Variants in SASH1 observed in about 807,000 individuals in gnomAD.
SASH1 encodes the protein SAM and SH3 domain-containing protein 1.
Under a neutral mutation model 125.2 loss-of-function variants are expected in SASH1, and 44 were observed. The ratio of observed to expected loss-of-function variants is 0.35; its 90% CI spans 0.28 to 0.45. The LOEUF (loss-of-function observed/expected upper bound fraction) is 0.45, where lower values mean the gene tolerates loss of function less well. SASH1 is among the 20% of genes least tolerant of loss of function. The probability of loss-of-function intolerance (pLI) is 1.00; values close to 1 mark genes in which losing one functional copy is unlikely to be tolerated. For synonymous variants in SASH1, 639 were observed against 649.1 expected, an observed-to-expected ratio of 0.98 and a Z score of 0.24; for missense variants, 1,426 against 1,614.5, an observed-to-expected ratio of 0.88 and a Z score of 2.00.
the SASH1 span, among the ~76,000 whole-genome samples, chr6:148,217,170 C>T: frequency 2.1e-3 from 323 of 152,292 alleles, 2 homozygotes; most frequent in Non-Finnish European, 3.7e-3. Flanking sequence ...GTACACACTG[C>T]TTATTATGGA....
intron 1 of SASH1, among the ~76,000 whole-genome samples, chr6:148,296,860 G>A (rs573266402): frequency 6.6e-6 from 1 of 152,310 alleles, no homozygotes; most frequent in South Asian, 2.1e-4. Flanking sequence ...TGCCCTCACT[G>A]TTGCTCCTTG....
intron 1 of SASH1, among the ~76,000 whole-genome samples, chr6:148,323,236 C>G (rs1780700945): frequency 6.6e-6 from 1 of 152,120 alleles, no homozygotes; most frequent in Non-Finnish European, 1.5e-5. Flanking sequence ...TCTCGAACTC[C>G]TGACCTCAAG....
chr6:148,228,126 A>G, the SASH1 span, among the ~76,000 whole-genome samples: 3 of 152,342 alleles, frequency 2.0e-5, no homozygotes, highest in East Asian at 1.9e-4. Context: ...TGCAAAAATT[A>G]TATCATGAAT....
At chr6:148,312,728 A>G (rs1440687847) in intron 1 of SASH1, among the ~76,000 whole-genome samples, 1 of 152,230 alleles carries the variant, frequency 6.6e-6, no homozygotes, top group African/African-American at 2.4e-5. Context: ...GCTAAAGTTT[A>G]TTGACCATTT....
chr6:148,538,689 C>T (rs1458145024), intron 16 of SASH1, among the ~76,000 whole-genome samples: 4 of 152,126 alleles, frequency 2.6e-5, no homozygotes, highest in East Asian at 1.9e-4. Context: ...GGTGGACAGC[C>T]GGAGAGCTGC....
intron 2 of SASH1, among the ~76,000 whole-genome samples, chr6:148,393,969 T>C (rs1783842952): frequency 6.7e-6 from 1 of 149,800 alleles, no homozygotes; most frequent in Admixed American, 6.8e-5. Flanking sequence ...CTCGGCTCAC[T>C]GCAACCTCTG....
intron 8 of SASH1, among the ~76,000 whole-genome samples, chr6:148,496,589 A>G (rs1779319192): frequency 1.3e-5 from 2 of 152,246 alleles, no homozygotes; most frequent in Admixed American, 6.5e-5. Flanking sequence ...ACATGTAACT[A>G]TGTTAAAATT....
At chr6:148,511,240 A>G (rs913568164) in intron 8 of SASH1, among the ~76,000 whole-genome samples, 1 of 151,850 alleles carries the variant, frequency 6.6e-6, no homozygotes, top group African/African-American at 2.4e-5. Context: ...CTCTCCATCA[A>G]TATCATGGAT....
At chr6:148,250,847 TA>T in the SASH1 span, among the ~76,000 whole-genome samples, 1 of 152,172 alleles carries the variant, frequency 6.6e-6, no homozygotes, top group East Asian at 1.9e-4. Context: ...TAAGCATGGA[TA>T]AAAGCTAAAA....
At chr6:148,249,149 A>G in the SASH1 span, among the ~76,000 whole-genome samples, 283 of 152,372 alleles carry the variant, frequency 1.9e-3, 1 homozygote, top group Admixed American at 0.016. Flanking sequence ...AGGCTCACAG[A>G]TTAAAAAAAT....
At chr6:148,206,832 A>ACACACAC in the SASH1 span, among the ~76,000 whole-genome samples, 30 of 84,662 alleles carry the variant, frequency 3.5e-4, no homozygotes, top group Middle Eastern at 5.0e-3. Flanking sequence ...CACACACACA[A>ACACACAC]ATTAACATAA....
At chr6:148,213,963 A>T in the SASH1 span, among the ~76,000 whole-genome samples, 224 of 152,286 alleles carry the variant, frequency 1.5e-3, no homozygotes, top group African/African-American at 5.1e-3. Flanking sequence ...TAGTTATGAT[A>T]ACCTGCTCCC....
intron 1 of SASH1, among the ~76,000 whole-genome samples, chr6:148,318,437 T>C (rs1225987109): frequency 6.6e-6 from 1 of 152,210 alleles, no homozygotes; most frequent in African/African-American, 2.4e-5. Flanking sequence ...CATTTGACAT[T>C]CATTTATTTG....
chr6:148,367,284 T>C (rs762056601), intron 1 of SASH1, among the ~76,000 whole-genome samples: 5 of 152,242 alleles, frequency 3.3e-5, no homozygotes, highest in African/African-American at 7.2e-5. Flanking sequence ...TTTATAATTA[T>C]GCTTCCTTAA....
intron 1 of SASH1, among the ~76,000 whole-genome samples, chr6:148,273,296 CTT>C (rs758727802): frequency 8.2e-5 from 11 of 134,626 alleles, no homozygotes; most frequent in Admixed American, 3.1e-4. Context: ...TTCTTTCTTT[CTT>C]TTTTTTTTTT....
intron 1 of SASH1, among the ~76,000 whole-genome samples, chr6:148,307,562 C>T (rs550965612): frequency 7.9e-5 from 12 of 152,130 alleles, no homozygotes; most frequent in Non-Finnish European, 1.8e-4. Context: ...TGCCCCAAGG[C>T]TCCAAGCATC....
intron 1 of SASH1, among the ~76,000 whole-genome samples, chr6:148,297,714 C>T (rs1279802100): frequency 6.6e-6 from 1 of 152,044 alleles, no homozygotes; most frequent in African/African-American, 2.4e-5. Flanking sequence ...CCTGTAGTCT[C>T]AGCTACTCAG....
chr6:148,441,154 G>T (rs1467686781), intron 4 of SASH1, among the ~76,000 whole-genome samples: 4 of 152,200 alleles, frequency 2.6e-5, no homozygotes, highest in Admixed American at 1.3e-4. Flanking sequence ...CTAAACAGAC[G>T]CTTCCTTTGG....
At chr6:148,399,598 C>T (rs1189568387) in intron 2 of SASH1, among the ~76,000 whole-genome samples, 1 of 152,168 alleles carries the variant, frequency 6.6e-6, no homozygotes, top group Non-Finnish European at 1.5e-5. Flanking sequence ...GGCTTAAACA[C>T]CAAACTAGCA....
Sources: allele counts gnomAD v4.1 joint callset (sites outside exome capture counted in the v4.1 genomes callset), GRCh38; gene constraint gnomAD v4.1.1; transcripts MANE v1.5; gene names NCBI Gene and HGNC (gene_info 2026-07-23, HGNC 2026-07-21).